The following KCNG2 variants were observed in gnomAD, a reference collection of about 807,000 sequenced individuals.
KCNG2 encodes the protein voltage-gated potassium channel regulatory subunit KCNG2.
Under a neutral mutation model 12.3 loss-of-function variants are expected in KCNG2, and 7 were observed. That is an observed-to-expected ratio of 0.57 (90% CI 0.32 to 1.07). The LOEUF is 1.07. KCNG2 is among the 50% of genes least tolerant of loss of function. KCNG2 has a pLI of 0.04. For synonymous variants in KCNG2, 414 were observed against 351.4 expected, an observed-to-expected ratio of 1.18 and a Z score of -1.99; for missense variants, 703 against 726.0, an observed-to-expected ratio of 0.97 and a Z score of 0.36.
intron 3 of KCNG2, among the ~76,000 whole-genome samples, chr18:79,880,320 A>AAG (rs1235450559): frequency 1.3e-5 from 2 of 151,328 alleles, no homozygotes; most frequent in African/African-American, 2.4e-5. Context: ...CTGTCTCAAA[A>AAG]AAAAAAAAAA....
At chr18:79,862,750 A>G (rs1979268585) in intron 2 of KCNG2, among the ~76,000 whole-genome samples, 1 of 152,148 alleles carries the variant, frequency 6.6e-6, no homozygotes, top group Non-Finnish European at 1.5e-5. Flanking sequence ...ACACTTTCCT[A>G]TCAATGTTTT....
chr18:79,818,225 G>A (rs1483038071), intron 1 of KCNG2, among the ~76,000 whole-genome samples: 1 of 152,234 alleles, frequency 6.6e-6, no homozygotes, highest in African/African-American at 2.4e-5. Context: ...ATCAGATCGG[G>A]AGACACCACC....
intron 1 of KCNG2, among the ~76,000 whole-genome samples, chr18:79,845,112 T>A (rs1420154570): frequency 6.6e-6 from 1 of 152,256 alleles, no homozygotes; most frequent in Non-Finnish European, 1.5e-5. Context: ...CCTGATGTAT[T>A]CAGCAACCCA....
Position 79,884,815 on chromosome 18 carries a change from C to T in KCNG2, c.625-14225C>T, listed in dbSNP as rs1254987199. 6.6e-6 allele frequency among the ~76,000 whole-genome samples: 1 copy of T among 152,206 alleles called. No individual in the cohort carries two copies. Among genetic ancestry groups the T allele is most frequent in the East Asian group, 1.9e-4 (1 of 5,190 alleles). On this transcript the variant is annotated intron_variant, in intron 3 of 3. Coordinates refer to ENST00000316249, the MANE Select transcript of KCNG2 (RefSeq NM_012283.2). This position sits in a 1 kb window ranked among gnomAD's most constrained non-coding sequence, Gnocchi z 5.5. ...TCGGGAGCGGTTTACCCACAGGTTC[C>T]TGTGCGTGGGAGCAAACTTGCTTTT... is the stretch of plus-strand genomic sequence containing the variant.
intron 1 of KCNG2, among the ~76,000 whole-genome samples, chr18:79,812,173 A>T (rs1010810264): frequency 6.6e-6 from 1 of 152,198 alleles, no homozygotes; most frequent in African/African-American, 2.4e-5. Context: ...ATGCCTTAAA[A>T]TTATCTATGG....
At position 79,797,958 on chromosome 18, in the gene KCNG2, C is replaced by G. The variant is rs542357509; in HGVS notation, c.-171C>G. 6.6e-6 allele frequency among the ~76,000 whole-genome samples: 1 copy of G among 151,142 alleles called. No homozygotes were observed. The highest frequency in any genetic ancestry group is 2.4e-5 in the African/African-American group (1 of 41,114). ...GCTCCAGAGACGCCGCGCTCCGCCC[C>G]GAGGAGGCCGCCGGCCGGGTAAGCG... On this transcript the variant is annotated 5_prime_UTR_variant, in exon 1 of 4. Transcript: ENST00000316249.
intron 3 of KCNG2, among the ~76,000 whole-genome samples, chr18:79,872,286 T>G (rs987911458): frequency 9.9e-6 from 1 of 100,520 alleles, no homozygotes. Flanking sequence ...TTCAGTTTTT[T>G]TTTTTTTTTT....
intron 1 of KCNG2, among the ~76,000 whole-genome samples, chr18:79,798,446 C>G (rs1419121263): frequency 2.0e-5 from 3 of 152,142 alleles, no homozygotes; most frequent in Non-Finnish European, 4.4e-5. Flanking sequence ...ACTCTCCCGG[C>G]GCCCGCCCCG....
chr18:79,861,220 A>G (rs187289450), intron 2 of KCNG2, among the ~76,000 whole-genome samples: 1 of 133,988 alleles, frequency 7.5e-6, no homozygotes, highest in African/African-American at 2.9e-5. Flanking sequence ...AGCTGGATTT[A>G]TTTTGCTCAT....
intron 1 of KCNG2, among the ~76,000 whole-genome samples, chr18:79,804,127 G>A (rs537856964): frequency 6.6e-6 from 1 of 152,306 alleles, no homozygotes; most frequent in East Asian, 1.9e-4. Flanking sequence ...TCTGTACCGA[G>A]GCCCCATGGA....
At chr18:79,805,253 G>A (rs568157083) in intron 1 of KCNG2, among the ~76,000 whole-genome samples, 10 of 152,268 alleles carry the variant, frequency 6.6e-5, no homozygotes, top group Non-Finnish European at 8.8e-5. Flanking sequence ...CTCATTCTCC[G>A]CCTCACCGCA....
chr18:79,848,236 T>A (rs139710073), intron 1 of KCNG2, among the ~76,000 whole-genome samples: 1 of 152,342 alleles, frequency 6.6e-6, no homozygotes, highest in African/African-American at 2.4e-5. Flanking sequence ...TGCCTTTTGC[T>A]TGGAAGGAAA....
chr18:79,818,418 C>T (rs1056158498), intron 1 of KCNG2, among the ~76,000 whole-genome samples: 1 of 152,208 alleles, frequency 6.6e-6, no homozygotes, highest in Non-Finnish European at 1.5e-5. Context: ...AGCCCCAGGG[C>T]GGCCCCTCCC....
At chr18:79,843,768 T>C (rs1978537155) in intron 1 of KCNG2, among the ~76,000 whole-genome samples, 1 of 152,078 alleles carries the variant, frequency 6.6e-6, no homozygotes, top group Non-Finnish European at 1.5e-5. Context: ...GCATACGCTA[T>C]GAAAAAATTA....
intron 1 of KCNG2, among the ~76,000 whole-genome samples, chr18:79,839,993 A>G (rs946803673): frequency 2.0e-5 from 3 of 152,270 alleles, no homozygotes; most frequent in African/African-American, 7.2e-5. Context: ...GAGTATCTAC[A>G]AAAACCTTAG....
At chr18:79,898,432 G>C (rs1299053402) in intron 3 of KCNG2, among the ~76,000 whole-genome samples, 1 of 152,206 alleles carries the variant, frequency 6.6e-6, no homozygotes, top group African/African-American at 2.4e-5. Context: ...ACGAGAGTGG[G>C]GACTGGGCAG....
intron 1 of KCNG2, among the ~76,000 whole-genome samples, chr18:79,844,709 C>T (rs1362011741): frequency 6.6e-6 from 1 of 152,144 alleles, no homozygotes. Context: ...AAGATGTCAC[C>T]ACACAGCTAT....
chr18:79,864,060 C>CGCGAG lies in KCNG2; in HGVS notation c.394_395insCGAGG (p.Glu132AlafsTer67), dbSNP rs1568261155. 9.1e-7 allele frequency: 1 copy of CGCGAG among 1,097,756 alleles called. No individual in the cohort carries two copies. Among genetic ancestry groups the CGCGAG allele is most frequent in the Non-Finnish European group, 1.1e-6 (1 of 902,824 alleles). The allele number at this position is 1,097,756 out of a possible 1,614,324, so 68.0% of individuals were successfully genotyped here. On this transcript the variant is annotated frameshift_variant, in exon 3 of 4. Coordinates refer to ENST00000316249, the MANE Select transcript of KCNG2 (RefSeq NM_012283.2). LOFTEE classifies it high-confidence loss of function. ...TGCGCCGCCGCGAGGAGGAGGCGGC[C>CGCGAG]GAGGCCCGCGCGGGGCCGACGGAGC... is the stretch of plus-strand genomic sequence containing the variant.
At chr18:79,846,234 G>A (rs530999147) in intron 1 of KCNG2, among the ~76,000 whole-genome samples, 5 of 151,792 alleles carry the variant, frequency 3.3e-5, no homozygotes, top group East Asian at 1.9e-4. Flanking sequence ...TTGGCCAGGC[G>A]TGGTGGCGGG....
Sources: allele counts gnomAD v4.1 joint callset (sites outside exome capture counted in the v4.1 genomes callset), GRCh38; gene constraint gnomAD v4.1.1; non-coding constraint Gnocchi (gnomAD v3.1); transcripts MANE v1.5; gene names NCBI Gene and HGNC (gene_info 2026-07-23, HGNC 2026-07-21).